The following UBXN2B variants were observed in gnomAD, a reference collection of about 807,000 sequenced individuals.
UBXN2B encodes the protein UBX domain protein 2B.
A neutral mutation model predicts 37.5 loss-of-function variants in UBXN2B; 19 were observed. The observed-to-expected ratio is 0.51, with a 90% CI of 0.35 to 0.74. The LOEUF (loss-of-function observed/expected upper bound fraction) is 0.74. Ranked by LOEUF, UBXN2B falls within the 30% of genes least tolerant of loss-of-function variation. The pLI is 0.01. For missense variants in UBXN2B, 370 were observed against 393.2 expected, an observed-to-expected ratio of 0.94 and a Z score of 0.50; for synonymous variants, 145 against 143.8, an observed-to-expected ratio of 1.01 and a Z score of -0.06.
intron 2 of UBXN2B, among the ~76,000 whole-genome samples, chr8:58,427,155 T>C (rs1219087714): frequency 6.6e-6 from 1 of 152,106 alleles, no homozygotes; most frequent in African/African-American, 2.4e-5. Context: ...TGAGGTAAAC[T>C]AAGGAATGAG....
At position 58,450,739 on chromosome 8, in the gene UBXN2B, A is replaced by C. The variant is rs1422954716; in HGVS notation, c.*3188A>C. On this transcript the variant is annotated 3_prime_UTR_variant, in exon 8 of 8. Coordinates refer to ENST00000399598, the MANE Select transcript of UBXN2B (RefSeq NM_001077619.2). ...ACTCTTTTATGCCTGCTTCTCTGCCAGATGACTTGAATATGGTACTAGATT... is the reference window on the plus strand; with the variant it reads ...ACTCTTTTATGCCTGCTTCTCTGCCCGATGACTTGAATATGGTACTAGATT... 6.6e-6 allele frequency: 1 copy of C among 152,244 alleles called. No homozygotes were observed. Among genetic ancestry groups the C allele is most frequent in the Non-Finnish European group, 1.5e-5 (1 of 68,048 alleles). The allele number at this position is 152,244 out of a possible 1,614,324, so 9.4% of individuals were successfully genotyped here.
chr8:58,430,691 A>G, intron 3 of UBXN2B, 22 bp downstream of exon 3: 1 of 1,412,604 alleles, frequency 7.1e-7, no homozygotes. Context: ...ATTTTAAACT[A>G]AATACATTGT....
intron 2 of UBXN2B, among the ~76,000 whole-genome samples, chr8:58,420,311 A>G (rs1807892547): frequency 6.6e-6 from 1 of 152,200 alleles, no homozygotes; most frequent in African/African-American, 2.4e-5. Flanking sequence ...AACATCCACT[A>G]ATGTTTCTCT....
rs1033946657 is a variant in UBXN2B, at chr8:58,448,537, A to G, written c.*986A>G. ...AACAATATTTTAAAATCAAGTAATT[A>G]CAGTTCCTCCCAGAGCTTGCGTTGA... On this transcript the variant is annotated 3_prime_UTR_variant, in exon 8 of 8. Coordinates refer to ENST00000399598, the MANE Select transcript of UBXN2B (RefSeq NM_001077619.2). 3 of 152,174 alleles carry G rather than the reference A, an allele frequency of 2.0e-5. No individual in the cohort carries two copies. The highest frequency in any genetic ancestry group is 4.4e-5 in the Non-Finnish European group (3 of 68,030). The allele number at this position is 152,174 out of a possible 1,614,324, so 9.4% of individuals were successfully genotyped here. A position where few individuals can be genotyped will look rare whatever the true frequency, so the allele number is the denominator to read the frequency against.
intron 6 of UBXN2B, among the ~76,000 whole-genome samples, chr8:58,443,206 G>A (rs1394696698): frequency 1.3e-5 from 2 of 152,070 alleles, no homozygotes; most frequent in Admixed American, 1.3e-4. Flanking sequence ...AGAACCTGAC[G>A]GGAATTCACA....
intron 5 of UBXN2B, among the ~76,000 whole-genome samples, chr8:58,436,738 C>G (rs1808421659): frequency 6.6e-6 from 1 of 152,176 alleles, no homozygotes; most frequent in Admixed American, 6.5e-5. Context: ...CTCCCCTTCT[C>G]TCTTGCTTCC....
At chr8:58,416,769 A>G (rs948025795) in intron 1 of UBXN2B, 81 bp from the exon 2 acceptor site, 3 of 1,146,474 alleles carry the variant, frequency 2.6e-6, no homozygotes, top group Non-Finnish European at 3.6e-6. Flanking sequence ...ATTTTAAGTT[A>G]GTGTTCTATA....
intron 2 of UBXN2B, among the ~76,000 whole-genome samples, chr8:58,419,222 C>A (rs2162460): frequency 0.86 from 130,668 of 152,256 alleles, 56,680 homozygotes; most frequent in East Asian, 1. Flanking sequence ...TTTTTTTCTA[C>A]GTATGATATC....
chr8:58,415,179 A>G (rs974974837), intron 1 of UBXN2B, among the ~76,000 whole-genome samples: 1 of 152,096 alleles, frequency 6.6e-6, no homozygotes, highest in African/African-American at 2.4e-5. Context: ...ATTACGTGCT[A>G]TGAGTATTTA....
intron 2 of UBXN2B, 21 bp from the exon 3 acceptor site, chr8:58,430,498 C>A: frequency 6.8e-7 from 1 of 1,481,336 alleles, no homozygotes; most frequent in South Asian, 1.5e-5. Flanking sequence ...AGTTTTTATT[C>A]ATGAACTAAA....
At position 58,450,793 on chromosome 8, in the gene UBXN2B, T is replaced by G. The variant is rs1808784805; in HGVS notation, c.*3242T>G. 1 of 152,202 alleles carries G rather than the reference T, an allele frequency of 6.6e-6. No homozygotes were observed. The highest frequency in any genetic ancestry group is 1.5e-5 in the Non-Finnish European group (1 of 68,038). 9.4% of individuals were successfully genotyped at this position (152,202 alleles called of 1,614,324 possible). A position where few individuals can be genotyped will look rare whatever the true frequency, so the allele number is the denominator to read the frequency against. On this transcript the variant is annotated 3_prime_UTR_variant, in exon 8 of 8. Transcript: ENST00000399598. ...AATTCACCTTTCTCCAGGGTCACTG[T>G]TTATTTCAAAGAGGTGAATTTACCT... is the stretch of plus-strand genomic sequence containing the variant.
chr8:58,426,930 T>G (rs955708581), intron 2 of UBXN2B, among the ~76,000 whole-genome samples: 1 of 152,230 alleles, frequency 6.6e-6, no homozygotes, highest in African/African-American at 2.4e-5. Context: ...GTTTTGCCAA[T>G]TGGCAAGTTA....
chr8:58,433,186 G>A lies in UBXN2B; in HGVS notation c.366G>A (p.Leu122=). Reference sequence around the variant, plus strand: ...CATTTACAGGTGGAGGATACAGATTGGGTAGTTCTTTTTGTAAGCGGTCTG... The same window carrying A: ...CATTTACAGGTGGAGGATACAGATTAGGTAGTTCTTTTTGTAAGCGGTCTG... The part of the protein sequence containing the change: ...SKSFTGGGYR[L]GSSFCKRSEY... Residue 122 remains leucine (L), a synonymous_variant, in exon 4 of 8, where the codon TTG becomes TTA. Transcript: ENST00000399598. The A allele has an allele frequency of 6.2e-7, 1 of 1,613,000 alleles. No homozygotes were observed. Among genetic ancestry groups the A allele is most frequent in the Non-Finnish European group, 8.5e-7 (1 of 1,179,382 alleles).
At chr8:58,420,488 A>G (rs1585597072) in intron 2 of UBXN2B, among the ~76,000 whole-genome samples, 2 of 152,234 alleles carry the variant, frequency 1.3e-5, no homozygotes, top group Non-Finnish European at 2.9e-5. Context: ...ATGACATCCT[A>G]AAACATATTC....
At position 58,446,047 on chromosome 8, in the gene UBXN2B, A is replaced by G; in HGVS notation, c.812A>G (p.Gln271Arg). The G allele has an allele frequency of 6.2e-7, 1 of 1,611,868 alleles. No individual in the cohort carries two copies. Among genetic ancestry groups the G allele is most frequent in the South Asian group, 1.1e-5 (1 of 90,854 alleles). ...IRLADGSRLI[Q>R]RFNSTHRILD... ...TTAGCAGATGGGAGTCGTTTGATAC[A>G]AAGATTCAATAGTACACACAGGTAA... Residue 271 changes from glutamine (Q) to arginine (R), a missense_variant, in exon 7 of 8, where the codon CAA becomes CGA. Transcript: ENST00000399598.
intron 6 of UBXN2B, among the ~76,000 whole-genome samples, chr8:58,443,142 C>T (rs956771870): frequency 6.6e-6 from 1 of 152,170 alleles, no homozygotes; most frequent in Non-Finnish European, 1.5e-5. Context: ...CCCTCCTCGA[C>T]CCCTGCCCCT....
intron 2 of UBXN2B, among the ~76,000 whole-genome samples, chr8:58,418,980 A>G (rs755594630): frequency 1.3e-5 from 2 of 152,314 alleles, no homozygotes; most frequent in South Asian, 2.1e-4. Flanking sequence ...TGCTATTCAA[A>G]TATAATCATT....
chr8:58,417,807 C>T (rs1401951240), intron 2 of UBXN2B, among the ~76,000 whole-genome samples: 2 of 152,144 alleles, frequency 1.3e-5, no homozygotes, highest in East Asian at 3.8e-4. Context: ...CTTGTGCACG[C>T]ATGTATTCTC....
chr8:58,438,463 C>G (rs1010499673), intron 5 of UBXN2B, among the ~76,000 whole-genome samples: 4 of 152,214 alleles, frequency 2.6e-5, no homozygotes, highest in African/African-American at 9.6e-5. Flanking sequence ...CCACCTCTTG[C>G]ACCAATATGC....
Sources: gnomAD v4.1 joint callset for allele counts (sites outside exome capture counted in the v4.1 genomes callset) on GRCh38, gnomAD v4.1.1 for gene constraint, MANE v1.5 for transcripts, NCBI Gene and HGNC (gene_info 2026-07-23, HGNC 2026-07-21) for gene names.